The following GRHL2 variants were observed in gnomAD, a reference collection of about 807,000 sequenced individuals.
The protein encoded by GRHL2 is grainyhead-like protein 2 homolog.
GRHL2 carries 21 observed loss-of-function variants against 83.8 expected under a neutral mutation model. The observed-to-expected ratio is 0.25, with a 90% CI of 0.18 to 0.36. GRHL2 has a LOEUF of 0.36. Among genes scored for constraint, GRHL2 ranks in the 10% least tolerant of loss-of-function variants. The pLI is 1.00. For synonymous variants in GRHL2, 280 were observed against 278.9 expected, an observed-to-expected ratio of 1.00 and a Z score of -0.04; for missense variants, 623 against 781.8, an observed-to-expected ratio of 0.80 and a Z score of 2.42.
chr8:101,538,653 G>A lies in GRHL2; in HGVS notation c.21-4588G>A, dbSNP rs574066595. ...CAGAATTAGAATTGCCCTTCCAAAA[G>A]AGCAATGATAAAACAGCTTCAGAGT... On this transcript the variant is annotated intron_variant, in intron 1 of 15. Transcript: ENST00000646743. Among the ~76,000 whole-genome samples, 54 of 152,318 alleles carry A rather than the reference G, an allele frequency of 3.5e-4. 1 individual carries two copies. In the South Asian group the frequency reaches 9.5e-3, roughly 27 times the overall value.
intron 3 of GRHL2, among the ~76,000 whole-genome samples, chr8:101,556,285 C>T (rs1328595536): frequency 3.9e-5 from 6 of 152,094 alleles, no homozygotes; most frequent in Admixed American, 3.9e-4. Flanking sequence ...AGAGAATAGC[C>T]CTCACAATGA....
chr8:101,665,871 G>A (rs1586183398), intron 15 of GRHL2, among the ~76,000 whole-genome samples: 1 of 152,150 alleles, frequency 6.6e-6, no homozygotes, highest in East Asian at 1.9e-4. Flanking sequence ...ATTGGCTTAA[G>A]GAAATTATGG....
At chr8:101,622,118 T>C (rs1812978769) in intron 9 of GRHL2, among the ~76,000 whole-genome samples, 1 of 152,118 alleles carries the variant, frequency 6.6e-6, no homozygotes, top group Non-Finnish European at 1.5e-5. Context: ...AAGAAAATAA[T>C]ATTCTTTGGG....
intron 7 of GRHL2, among the ~76,000 whole-genome samples, chr8:101,583,047 G>A (rs1812089560): frequency 6.6e-6 from 1 of 152,152 alleles, no homozygotes; most frequent in African/African-American, 2.4e-5. Flanking sequence ...AGCCCTCCCA[G>A]AACTTTAATA....
Position 101,669,164 on chromosome 8 carries a change from C to T in GRHL2, c.*2461C>T, listed in dbSNP as rs536914437. ...ACTCCAAAGAGATAGGAAAACTTGC[C>T]GCCTCTTCTTTTTTGTCCCTTAATC... is the stretch of plus-strand genomic sequence containing the variant. On this transcript the variant is annotated 3_prime_UTR_variant, in exon 16 of 16. Coordinates refer to ENST00000646743, the MANE Select transcript of GRHL2 (RefSeq NM_024915.4). 4.6e-5 allele frequency: 7 copies of T among 151,044 alleles called. No individual in the cohort carries two copies. Among genetic ancestry groups the T allele is most frequent in the East Asian group, 2.0e-4 (1 of 5,128 alleles). The allele number at this position is 151,044 out of a possible 1,614,324, so 9.4% of individuals were successfully genotyped here. A position where few individuals can be genotyped will look rare whatever the true frequency, so the allele number is the denominator to read the frequency against.
At chr8:101,532,358 A>T (rs1471863167) in intron 1 of GRHL2, among the ~76,000 whole-genome samples, 1 of 152,154 alleles carries the variant, frequency 6.6e-6, no homozygotes. Context: ...TGCTAGGGAG[A>T]TGAAGTGATT....
chr8:101,678,375 G>A, the GRHL2 span, among the ~76,000 whole-genome samples: 14 of 152,034 alleles, frequency 9.2e-5, no homozygotes, highest in East Asian at 1.2e-3. Context: ...CTTTTCCGAC[G>A]GGCTTAAAAA....
chr8:101,515,176 GCACACACACACACACACA>G (rs4002325), intron 1 of GRHL2, among the ~76,000 whole-genome samples: 1 of 144,444 alleles, frequency 6.9e-6, no homozygotes, highest in Non-Finnish European at 1.5e-5. Flanking sequence ...CTGTCTCTCT[GCACACACACACACACACA>G]CACACACACA....
intron 1 of GRHL2, among the ~76,000 whole-genome samples, chr8:101,493,390 G>T (rs1487969930): frequency 2.0e-5 from 3 of 151,878 alleles, no homozygotes; most frequent in Non-Finnish European, 2.9e-5. Flanking sequence ...GGGGGCGGCC[G>T]GCGCCGTCCC....
intron 7 of GRHL2, among the ~76,000 whole-genome samples, chr8:101,584,591 TAAAA>T (rs547305514): frequency 6.6e-6 from 1 of 151,324 alleles, no homozygotes; most frequent in African/African-American, 2.4e-5. Flanking sequence ...TTTAAACTGT[TAAAA>T]AAAAAGAGTT....
intron 1 of GRHL2, among the ~76,000 whole-genome samples, chr8:101,530,500 G>C (rs1346149022): frequency 6.6e-6 from 1 of 151,948 alleles, no homozygotes; most frequent in Non-Finnish European, 1.5e-5. Flanking sequence ...AAATATAATA[G>C]TTCCCTTATT....
At chr8:101,522,826 C>T (rs1286573634) in intron 1 of GRHL2, among the ~76,000 whole-genome samples, 3 of 150,672 alleles carry the variant, frequency 2.0e-5, no homozygotes, top group Non-Finnish European at 4.4e-5. Flanking sequence ...TGAAATATAA[C>T]TTGCTTTTTT....
Position 101,631,647 on chromosome 8 carries a change from G to A in GRHL2, c.1268G>A (p.Arg423Lys), listed in dbSNP as rs2130397907. The change falls in exon 10 of 16, where the codon AGA (arginine) becomes AAA (lysine). Residue 423 changes from arginine (R) to lysine (K), a missense_variant. Arg to Lys is a conservative substitution (Grantham distance 26). Coordinates refer to ENST00000646743, the MANE Select transcript of GRHL2 (RefSeq NM_024915.4). The stretch of plus-strand genomic sequence containing the variant: ...TTTTTTTCCTATCAGGGAGCAGAAA[G>A]AAAAATCCGAGATGAAGAGCGGAAG... ...IKVFCDKGAERKIRDEERKQN... is the reference protein window; with the variant it reads ...IKVFCDKGAEKKIRDEERKQN... 6.2e-7 allele frequency: 1 copy of A among 1,613,540 alleles called. No individual in the cohort carries two copies. The highest frequency in any genetic ancestry group is 1.3e-5 in the African/African-American group (1 of 74,998).
At chr8:101,609,761 T>C (rs1176094198) in intron 8 of GRHL2, among the ~76,000 whole-genome samples, 2 of 151,032 alleles carry the variant, frequency 1.3e-5, no homozygotes, top group Admixed American at 6.6e-5. Context: ...GAGGTGTATT[T>C]GTATTTGCAT....
intron 1 of GRHL2, among the ~76,000 whole-genome samples, chr8:101,539,712 T>C (rs1215237335): frequency 1.3e-5 from 2 of 152,220 alleles, no homozygotes; most frequent in Admixed American, 6.5e-5. Flanking sequence ...ATCCCATTAT[T>C]CTGCACTACC....
rs1333854319 is a variant in GRHL2, at chr8:101,667,487, G to A, written c.*784G>A. On this transcript the variant is annotated 3_prime_UTR_variant, in exon 16 of 16. Coordinates refer to ENST00000646743, the MANE Select transcript of GRHL2 (RefSeq NM_024915.4). ...CTGTTCAAGAGACTTGCAGGGCTAG[G>A]TAGAGGGCCTTTGGGATGTTAAGGT... 6.5e-6 allele frequency: 1 copy of A among 152,946 alleles called. No homozygotes were observed. The highest frequency in any genetic ancestry group is 2.1e-4 in the South Asian group (1 of 4,842). The allele number at this position is 152,946 out of a possible 1,614,324, so 9.5% of individuals were successfully genotyped here. A position where few individuals can be genotyped will look rare whatever the true frequency, so the allele number is the denominator to read the frequency against.
intron 1 of GRHL2, among the ~76,000 whole-genome samples, chr8:101,536,503 A>G (rs1015952222): frequency 2.0e-5 from 3 of 152,260 alleles, no homozygotes; most frequent in Non-Finnish European, 4.4e-5. Context: ...TATTCTGTCT[A>G]CATTGGGATA....
intron 1 of GRHL2, among the ~76,000 whole-genome samples, chr8:101,509,157 C>CCTTCCTTTCTTTCTTT (rs1554581567): frequency 1.5e-4 from 4 of 27,404 alleles, no homozygotes; most frequent in Non-Finnish European, 4.3e-4. Flanking sequence ...TTCCTTCCTT[C>CCTTCCTTTCTTTCTTT]CTTTCTTTCT....
chr8:101,537,014 G>T (rs1171531674), intron 1 of GRHL2, among the ~76,000 whole-genome samples: 4 of 151,304 alleles, frequency 2.6e-5, no homozygotes, highest in African/African-American at 9.7e-5. Flanking sequence ...CCACTTATAA[G>T]TGAGAACATG....
Sources: allele counts gnomAD v4.1 joint callset (sites outside exome capture counted in the v4.1 genomes callset), GRCh38; gene constraint gnomAD v4.1.1; transcripts MANE v1.5; gene names NCBI Gene and HGNC (gene_info 2026-07-23, HGNC 2026-07-21).